Variants in FRMPD4 observed in about 807,000 individuals in gnomAD.
The protein encoded by FRMPD4 is FERM and PDZ domain-containing protein 4.
In FRMPD4, 22 loss-of-function variants were observed where a neutral mutation model predicts 94.1. The observed-to-expected ratio is 0.23, with a 90% CI of 0.17 to 0.33. FRMPD4 has a LOEUF of 0.33. Among genes scored for constraint, FRMPD4 ranks in the 10% least tolerant of loss-of-function variants. The probability of loss-of-function intolerance (pLI) is 1.00; values close to 1 mark genes in which losing one functional copy is unlikely to be tolerated. For missense variants in FRMPD4, 1,111 were observed against 1,339.9 expected, an observed-to-expected ratio of 0.83 and a Z score of 2.67; for synonymous variants, 631 against 548.6, an observed-to-expected ratio of 1.15 and a Z score of -2.10.
At chrX:12,107,777 A>G (rs1464603916) in intron 3 of FRMPD4, among the ~76,000 whole-genome samples, 1 of 112,160 alleles carries the variant, frequency 8.9e-6, no homozygotes, top group East Asian at 2.8e-4. Context: ...TGACGAATGC[A>G]CAAGCTTCAG....
chrX:12,671,008 G>T (rs1042707091), intron 4 of FRMPD4, among the ~76,000 whole-genome samples: 4 of 112,525 alleles, frequency 3.6e-5, no homozygotes, highest in Non-Finnish European at 7.5e-5. Flanking sequence ...CTGGTCATTA[G>T]AGAAATGCAA....
chrX:12,188,979 A>C (rs137980180), intron 1 of FRMPD4, among the ~76,000 whole-genome samples: 1 of 111,776 alleles, frequency 8.9e-6, no homozygotes, highest in Non-Finnish European at 1.9e-5. Flanking sequence ...ATCAATAAAG[A>C]AATTTCTTTT....
chrX:11,827,027 G>T (rs1303968045), intron 1 of FRMPD4, among the ~76,000 whole-genome samples: 1 of 93,830 alleles, frequency 1.1e-5, no homozygotes, highest in Non-Finnish European at 2.1e-5. Context: ...TTTGCCACAA[G>T]AATTTAAAAT....
intron 3 of FRMPD4, among the ~76,000 whole-genome samples, chrX:11,946,008 G>T (rs6640831): frequency 0.026 from 2,926 of 111,662 alleles, 88 homozygotes; most frequent in East Asian, 0.18. Context: ...TCATAGAAAA[G>T]AATCAAATTA....
chrX:12,529,741 A>C (rs2058264690), intron 2 of FRMPD4, among the ~76,000 whole-genome samples: 1 of 111,707 alleles, frequency 9.0e-6, no homozygotes, highest in African/African-American at 3.3e-5. Flanking sequence ...TTCATGAAGG[A>C]TCCCCTGACC....
At chrX:12,609,950 T>A in intron 3 of FRMPD4, 69 bp downstream of exon 3, 1 of 1,001,764 alleles carries the variant, frequency 1.0e-6, no homozygotes, top group Non-Finnish European at 1.4e-6. Flanking sequence ...TAACTACTGT[T>A]CAGTTTCATA....
intron 3 of FRMPD4, among the ~76,000 whole-genome samples, chrX:11,905,146 A>C (rs1013807508): frequency 3.6e-5 from 4 of 112,339 alleles, no homozygotes; most frequent in Admixed American, 2.8e-4. Context: ...TTAGCCAATG[A>C]GACATATGGG....
rs764586710 is a variant in FRMPD4, at chrX:12,348,168, G to A, written c.42-150512G>A. 3.6e-5 allele frequency among the ~76,000 whole-genome samples: 4 copies of A among 111,644 alleles called. No individual in the cohort carries two copies. The East Asian group carries it at 1.1e-3, about 31-fold the overall frequency. On this transcript the variant is annotated intron_variant, in intron 1 of 16. Transcript: ENST00000675598. The stretch of plus-strand genomic sequence containing the variant: ...ACAGTTACAAACCCTTACACTGAGC[G>A]GTCAGCAACTTATTTTAACAACAAA...
At chrX:12,564,883 C>A (rs2058696865) in intron 2 of FRMPD4, among the ~76,000 whole-genome samples, 2 of 110,144 alleles carry the variant, frequency 1.8e-5, no homozygotes, top group African/African-American at 3.3e-5. Context: ...CAGAAGCCAA[C>A]CTGAAAAGTT....
rs145148251 is a variant in FRMPD4 at position 12,299,632 on chromosome X, C to T, written c.41+160620C>T. On this transcript the variant is annotated intron_variant, in intron 1 of 16. Coordinates refer to ENST00000675598, the MANE Select transcript of FRMPD4 (RefSeq NM_001368397.1). Reference sequence around the variant, plus strand: ...TATCTCAACAGGGTTATGGAACTTCCTAGTACTCCAGTTTATGATTAGGAT... The same window carrying T: ...TATCTCAACAGGGTTATGGAACTTCTTAGTACTCCAGTTTATGATTAGGAT... 4.4e-4 allele frequency among the ~76,000 whole-genome samples: 49 copies of T among 110,465 alleles called. 1 individual carries two copies. The East Asian group carries it at 0.013, about 29-fold the overall frequency.
At chrX:12,160,303 C>T (rs1449004864) in intron 1 of FRMPD4, among the ~76,000 whole-genome samples, 2 of 111,562 alleles carry the variant, frequency 1.8e-5, no homozygotes, top group Non-Finnish European at 3.8e-5. Context: ...ACTACCCATA[C>T]CTGGATAGTG....
At chrX:12,636,509 A>AT (rs34822084) in intron 4 of FRMPD4, among the ~76,000 whole-genome samples, 52,240 of 110,407 alleles carry the variant, frequency 0.47, 9,348 homozygotes, top group African/African-American at 0.52. Flanking sequence ...GCTATTGATA[A>AT]CTTTGCCAAG....
At chrX:12,128,756 C>T (rs765124537) in intron 3 of FRMPD4, among the ~76,000 whole-genome samples, 3 of 112,168 alleles carry the variant, frequency 2.7e-5, no homozygotes, top group Non-Finnish European at 5.6e-5. Flanking sequence ...CTTTTGAGAG[C>T]ACCCAAGTCA....
At position 12,059,323 on chromosome X, in the gene FRMPD4, T is replaced by A. The variant is rs771240539; in HGVS notation, c.95+181305T>A. On this transcript the variant is annotated intron_variant, in intron 3 of 18. Transcript: ENST00000640291. The stretch of plus-strand genomic sequence containing the variant: ...TGTATCATTAAAAAGTTTGGAACTA[T>A]TTTGTTAGGTACATACAAATTCATG... Among the ~76,000 whole-genome samples the A allele has an allele frequency of 5.4e-5, 6 of 112,127 alleles. No homozygotes were observed. The South Asian group carries it at 1.9e-3, about 35-fold the overall frequency.
intron 1 of FRMPD4, among the ~76,000 whole-genome samples, chrX:12,146,497 C>T (rs2055771815): frequency 8.9e-6 from 1 of 111,793 alleles, no homozygotes; most frequent in Non-Finnish European, 1.9e-5. Flanking sequence ...CACACACACA[C>T]ATCTACCCCT....
At chrX:12,141,534 C>T (rs1212224872) in intron 1 of FRMPD4, among the ~76,000 whole-genome samples, 2 of 110,543 alleles carry the variant, frequency 1.8e-5, no homozygotes, top group Non-Finnish European at 3.8e-5. Flanking sequence ...CCCTTTTAAT[C>T]GTGGGAAAAA....
chrX:12,240,830 C>T (rs762386077), intron 1 of FRMPD4, among the ~76,000 whole-genome samples: 1 of 111,695 alleles, frequency 9.0e-6, no homozygotes, highest in Admixed American at 9.5e-5. Flanking sequence ...ATCCTGTTGT[C>T]CTTTTTGGTC....
chrX:11,868,573 G>T (rs1196254525), intron 2 of FRMPD4, among the ~76,000 whole-genome samples: 1 of 111,892 alleles, frequency 8.9e-6, no homozygotes, highest in Non-Finnish European at 1.9e-5. Context: ...AGTAGAGGCT[G>T]CTAAGTTTTA....
At chrX:12,708,142 A>T (rs1268590588) in intron 13 of FRMPD4, among the ~76,000 whole-genome samples, 1 of 111,665 alleles carries the variant, frequency 9.0e-6, no homozygotes, top group Non-Finnish European at 1.9e-5. Flanking sequence ...CTGACTGAAC[A>T]TCTGGCTCCT....
Sources: gnomAD v4.1 joint callset for allele counts (sites outside exome capture counted in the v4.1 genomes callset) on GRCh38, gnomAD v4.1.1 for gene constraint, MANE v1.5 for transcripts, NCBI Gene and HGNC (gene_info 2026-07-23, HGNC 2026-07-21) for gene names.